GRAMD1B: variants seen among roughly 807,000 people sequenced by gnomAD.
The protein encoded by GRAMD1B is protein Aster-B.
In GRAMD1B, 37 loss-of-function variants were observed where a neutral mutation model predicts 99.7. The ratio of observed to expected loss-of-function variants is 0.37; its 90% CI spans 0.29 to 0.49. GRAMD1B has a LOEUF of 0.49. Among genes scored for constraint, GRAMD1B ranks in the 20% least tolerant of loss-of-function variants. The pLI, the probability that GRAMD1B is intolerant of heterozygous loss-of-function variation, is 0.98. For missense variants in GRAMD1B, 888 were observed against 1,009.2 expected (o/e 0.88, Z 1.63); for synonymous variants, 427 against 387.6 (o/e 1.10, Z -1.19).
chr11:123,573,050 G>A (rs1312173224), intron 2 of GRAMD1B, among the ~76,000 whole-genome samples: 4 of 148,822 alleles, frequency 2.7e-5, no homozygotes, highest in African/African-American at 7.5e-5. Flanking sequence ...GGGCAGAGGC[G>A]CAGGTAGGCC....
chr11:123,417,556 C>A (rs1365303177), intron 1 of GRAMD1B, among the ~76,000 whole-genome samples: 1 of 152,182 alleles, frequency 6.6e-6, no homozygotes, highest in Non-Finnish European at 1.5e-5. Context: ...AACATAAGCT[C>A]TGGCATCAGC....
At position 123,406,231 on chromosome 11, in the gene GRAMD1B, G is replaced by C. The variant is rs142084500; in HGVS notation, c.-176+47432G>C. On this transcript the variant is annotated intron_variant, in intron 1 of 20. Coordinates refer to the GRAMD1B transcript ENST00000638157. ...CTCCTAAAGTTCTGGGATTACAGGT[G>C]TGAGCTACTGTACCCAGCCCATTGT... Among the ~76,000 whole-genome samples the C allele has an allele frequency of 2.6e-3, 395 of 150,858 alleles. 1 individual carries two copies. The highest frequency in any genetic ancestry group is 9.0e-3 in the African/African-American group (368 of 41,036).
At chr11:123,560,772 G>T in intron 2 of GRAMD1B, 1 of 448,628 alleles carries the variant, frequency 2.2e-6, no homozygotes. Flanking sequence ...GGAAGCGGTG[G>T]CTCTGTCCTG....
At chr11:123,617,247 G>A (rs1954551150) in intron 17 of GRAMD1B, among the ~76,000 whole-genome samples, 1 of 146,836 alleles carries the variant, frequency 6.8e-6, no homozygotes, top group Non-Finnish European at 1.5e-5. Flanking sequence ...GCAGTAGCAT[G>A]ATCTCAGCTC....
At chr11:123,473,533 A>G (rs1158792293) in intron 1 of GRAMD1B, among the ~76,000 whole-genome samples, 2 of 152,166 alleles carry the variant, frequency 1.3e-5, no homozygotes, top group Non-Finnish European at 2.9e-5. Flanking sequence ...TCAACCTCCC[A>G]AAATGCTGGG....
chr11:123,623,937 A>C lies in GRAMD1B; in HGVS notation c.*1342A>C, dbSNP rs1955353962. On this transcript the variant is annotated 3_prime_UTR_variant, in exon 20 of 20. Transcript: ENST00000635736. ...AGGTGTAAGATCATTAAGAAGTAGA[A>C]GGCACTAGCTTCAAAGAGTGAGACA... The C allele has an allele frequency of 6.6e-6, 1 of 152,242 alleles. No individual in the cohort carries two copies. The highest frequency in any genetic ancestry group is 6.5e-5 in the Admixed American group (1 of 15,294). The allele number at this position is 152,242 out of a possible 1,614,324, so 9.4% of individuals were successfully genotyped here.
At chr11:123,442,161 T>C (rs762581756) in intron 1 of GRAMD1B, among the ~76,000 whole-genome samples, 1 of 152,238 alleles carries the variant, frequency 6.6e-6, no homozygotes, top group African/African-American at 2.4e-5. Context: ...TGCCTGGAGA[T>C]GGTGTCAGAT....
intron 1 of GRAMD1B, among the ~76,000 whole-genome samples, chr11:123,433,597 T>A (rs1237599416): frequency 6.6e-6 from 1 of 152,104 alleles, no homozygotes; most frequent in African/African-American, 2.4e-5. Flanking sequence ...AAGGCTTTAG[T>A]AGGCTATAAT....
intron 2 of GRAMD1B, among the ~76,000 whole-genome samples, chr11:123,481,455 A>AAAC (rs56216203): frequency 0.19 from 28,232 of 151,626 alleles, 2,777 homozygotes; most frequent in Admixed American, 0.25. Flanking sequence ...CTTCGTCTAA[A>AAAC]AACAACAACA....
chr11:123,621,717 G>A (rs898664652), intron 19 of GRAMD1B, among the ~76,000 whole-genome samples: 2 of 152,172 alleles, frequency 1.3e-5, no homozygotes, highest in Non-Finnish European at 2.9e-5. Context: ...AGGATCATCA[G>A]GGAAACCAGA....
intron 1 of GRAMD1B, among the ~76,000 whole-genome samples, chr11:123,368,715 G>C (rs375591302): frequency 1.5e-5 from 2 of 137,192 alleles, no homozygotes. Context: ...AAGAAAGAAA[G>C]AAAAAAGAAA....
At chr11:123,596,430 G>T (rs567523869) in intron 7 of GRAMD1B, among the ~76,000 whole-genome samples, 1 of 152,210 alleles carries the variant, frequency 6.6e-6, no homozygotes, top group Non-Finnish European at 1.5e-5. Flanking sequence ...TTAAGAAGTC[G>T]TCATTATGTA....
At chr11:123,481,529 T>C (rs1017411234) in intron 2 of GRAMD1B, among the ~76,000 whole-genome samples, 2 of 152,064 alleles carry the variant, frequency 1.3e-5, no homozygotes, top group African/African-American at 4.8e-5. Context: ...TTGGGTACAA[T>C]GTGGGTCAGG....
intron 2 of GRAMD1B, among the ~76,000 whole-genome samples, chr11:123,509,313 C>T (rs897778818): frequency 6.6e-6 from 1 of 152,150 alleles, no homozygotes; most frequent in East Asian, 1.9e-4. Context: ...AAGGAACCGA[C>T]GTCCCTAACA....
intron 1 of GRAMD1B, among the ~76,000 whole-genome samples, chr11:123,416,483 C>T (rs554652182): frequency 3.4e-3 from 522 of 152,300 alleles, no homozygotes; most frequent in African/African-American, 0.012. Flanking sequence ...TTCTACTCCC[C>T]GCTACTCCAC....
At chr11:123,580,629 T>A (rs1949247881) in intron 3 of GRAMD1B, among the ~76,000 whole-genome samples, 1 of 152,166 alleles carries the variant, frequency 6.6e-6, no homozygotes, top group Non-Finnish European at 1.5e-5. Context: ...TCTGGATCCA[T>A]CATTGTGCTG....
chr11:123,385,637 T>C (rs562126110), intron 1 of GRAMD1B, among the ~76,000 whole-genome samples: 9 of 152,294 alleles, frequency 5.9e-5, no homozygotes, highest in African/African-American at 2.2e-4. Flanking sequence ...CCCACTGCAC[T>C]TCCCTTCTGC....
chr11:123,548,006 C>T (rs1222152749), intron 2 of GRAMD1B, among the ~76,000 whole-genome samples: 2 of 151,934 alleles, frequency 1.3e-5, no homozygotes, highest in South Asian at 2.1e-4. Context: ...GTACTGCCTA[C>T]CTCAGGCAGG....
intron 1 of GRAMD1B, among the ~76,000 whole-genome samples, chr11:123,416,058 C>T (rs375016106): frequency 1.3e-5 from 2 of 152,248 alleles, no homozygotes; most frequent in South Asian, 2.1e-4. Context: ...GGATTTTCCC[C>T]TAGAACTGAT....
Sources: gnomAD v4.1 joint callset for allele counts (sites outside exome capture counted in the v4.1 genomes callset) on GRCh38, gnomAD v4.1.1 for gene constraint, MANE v1.5 for transcripts, NCBI Gene and HGNC (gene_info 2026-07-23, HGNC 2026-07-21) for gene names.